FLI1: variants seen among roughly 807,000 people sequenced by gnomAD.
FLI1 encodes Friend leukemia integration 1 transcription factor.
In FLI1, 13 loss-of-function variants were observed where a neutral mutation model predicts 53.1. The ratio of observed to expected loss-of-function variants is 0.24; its 90% CI spans 0.16 to 0.39. The LOEUF (loss-of-function observed/expected upper bound fraction) is 0.39, where lower values mean the gene tolerates loss of function less well. Among genes scored for constraint, FLI1 ranks in the 10% least tolerant of loss-of-function variants. The pLI is 1.00. For missense variants in FLI1, 424 were observed against 600.5 expected, an observed-to-expected ratio of 0.71 and a Z score of 3.07; for synonymous variants, 244 against 236.7, an observed-to-expected ratio of 1.03 and a Z score of -0.28.
At chr11:128,685,651 C>T (rs1369629527), upstream of FLI1, among the ~76,000 whole-genome samples, 1 of 143,576 alleles carries the variant, frequency 7.0e-6, no homozygotes, top group Non-Finnish European at 1.5e-5. Context: ...AATCTCTGGG[C>T]CCGAGGAATA....
chr11:128,736,051 G>A (rs946201399), intron 1 of FLI1, among the ~76,000 whole-genome samples: 8 of 152,112 alleles, frequency 5.3e-5, no homozygotes, highest in Non-Finnish European at 7.4e-5. Flanking sequence ...AGACATGATC[G>A]ATGAGGCTAT....
upstream of FLI1, among the ~76,000 whole-genome samples, chr11:128,690,623 G>A (rs966619341): frequency 5.3e-5 from 8 of 152,240 alleles, no homozygotes; most frequent in African/African-American, 1.9e-4. Flanking sequence ...AATGGTGCGA[G>A]GCAAGTCGTC....
chr11:128,715,615 A>C (rs1482417755), intron 1 of FLI1, among the ~76,000 whole-genome samples: 4 of 152,146 alleles, frequency 2.6e-5, no homozygotes, highest in Non-Finnish European at 5.9e-5. Context: ...TGATCTAGAG[A>C]GAAAACAGCA....
intron 5 of FLI1, among the ~76,000 whole-genome samples, chr11:128,790,270 C>T (rs1411273496): frequency 8.2e-6 from 1 of 122,052 alleles, no homozygotes; most frequent in Non-Finnish European, 1.6e-5. Context: ...TTTTTTTCCA[C>T]GAGAGAGAGA....
At position 128,810,381 on chromosome 11, in the gene FLI1, C is replaced by T. The variant is rs116979317; in HGVS notation, c.830-78C>T. The T allele has an allele frequency of 1.3e-4, 186 of 1,388,238 alleles. No individual in the cohort carries two copies. The African/African-American group carries it at 1.7e-3, about 13-fold the overall frequency. The allele number at this position is 1,388,238 out of a possible 1,614,324, so 86.0% of individuals were successfully genotyped here. A position where few individuals can be genotyped will look rare whatever the true frequency, so the allele number is the denominator to read the frequency against. On this transcript the variant is annotated intron_variant, in intron 8 of 8. Coordinates refer to ENST00000527786, the MANE Select transcript of FLI1 (RefSeq NM_002017.5). The surrounding 1 kb of genome is among the most constrained non-coding windows in gnomAD (Gnocchi z 6.6). ...GTTTCTTTAAAAGGATGAGAAGCTC[C>T]CTGCATTTAGGGAACTGGGTTCTGC...
chr11:128,705,750 G>A (rs552110162), intron 1 of FLI1, among the ~76,000 whole-genome samples: 1 of 152,240 alleles, frequency 6.6e-6, no homozygotes. Context: ...CTGTGGACTG[G>A]CCCAGCTTCC....
At chr11:128,685,586 G>T (rs1249333867), upstream of FLI1, among the ~76,000 whole-genome samples, 2 of 151,636 alleles carry the variant, frequency 1.3e-5, no homozygotes, top group Non-Finnish European at 2.9e-5. Context: ...CGGTGGGGTC[G>T]CTGGGGTTGG....
At chr11:128,695,334 C>T (rs1938015826) in intron 1 of FLI1, among the ~76,000 whole-genome samples, 1 of 152,192 alleles carries the variant, frequency 6.6e-6, no homozygotes, top group East Asian at 1.9e-4. Context: ...CCTTAGAGGA[C>T]CTAGGGGAAT....
At chr11:128,777,480 A>G (rs1346320332) in intron 4 of FLI1, among the ~76,000 whole-genome samples, 3 of 152,142 alleles carry the variant, frequency 2.0e-5, no homozygotes, top group Admixed American at 6.6e-5. Context: ...CACATTTTGC[A>G]TTTTCTGGTC....
rs1463013100 is a variant in FLI1, at chr11:128,785,154, A to G, written c.655+3131A>G. Among the ~76,000 whole-genome samples, 6 of 152,246 alleles carry G rather than the reference A, an allele frequency of 3.9e-5. No individual in the cohort carries two copies. The East Asian group carries it at 1.2e-3, about 29-fold the overall frequency. ...CCCCTTTAAATTAAATATTCTATGGACATGGATTGGATCCAGCTAGAGCAG... is the reference window on the plus strand; with the variant it reads ...CCCCTTTAAATTAAATATTCTATGGGCATGGATTGGATCCAGCTAGAGCAG... On this transcript the variant is annotated intron_variant, in intron 5 of 8. Transcript: ENST00000527786.
At chr11:128,795,785 C>G (rs1321897347) in intron 5 of FLI1, among the ~76,000 whole-genome samples, 1 of 152,112 alleles carries the variant, frequency 6.6e-6, no homozygotes, top group African/African-American at 2.4e-5. Flanking sequence ...CTCCTCACCT[C>G]GTGATCTGCC....
chr11:128,694,283 G>A lies in FLI1; in HGVS notation c.18+7G>A, dbSNP rs1305919283. On this transcript the variant is annotated splice_region_variant and intron_variant, in intron 1 of 8. Transcript: ENST00000527786. Reference sequence around the variant, plus strand: ...AATGGACGGGACTATTAAGGTAAGCGGCGGGGCAACGGACGCGGGCGGCGG... The same window carrying A: ...AATGGACGGGACTATTAAGGTAAGCAGCGGGGCAACGGACGCGGGCGGCGG... 9.4e-6 allele frequency: 13 copies of A among 1,377,738 alleles called. No individual in the cohort carries two copies. The highest frequency in any genetic ancestry group is 1.2e-5 in the Non-Finnish European group (13 of 1,054,620). The allele number at this position is 1,377,738 out of a possible 1,614,324, so 85.3% of individuals were successfully genotyped here.
intron 1 of FLI1, among the ~76,000 whole-genome samples, chr11:128,757,084 C>CTTTA (rs1326926654): frequency 1.3e-5 from 2 of 149,088 alleles, no homozygotes; most frequent in African/African-American, 2.5e-5. Flanking sequence ...TTCTTTCTTT[C>CTTTA]TTTCTTTCTT....
intron 5 of FLI1, among the ~76,000 whole-genome samples, chr11:128,802,915 G>A (rs1486599195): frequency 6.6e-6 from 1 of 152,214 alleles, no homozygotes; most frequent in Admixed American, 6.5e-5. Context: ...AGGGAGAAAA[G>A]CCGATAAGAA....
rs1941621607 is a variant in FLI1 at position 128,772,996 on chromosome 11, C to T, written c.589+11C>T. 3 of 1,611,468 alleles carry T rather than the reference C, an allele frequency of 1.9e-6. No homozygotes were observed. Among genetic ancestry groups the T allele is most frequent in the South Asian group, 1.1e-5 (1 of 91,064 alleles). On this transcript the variant is annotated intron_variant, in intron 4 of 8. Transcript: ENST00000527786. ...GTTACCTCAGGGAAAGTAAGTGCCG[C>T]CCAAGTACCCAGGGCTGGGAGGAAG...
At chr11:128,759,257 T>C (rs55859508) in intron 2 of FLI1, among the ~76,000 whole-genome samples, 11 of 152,088 alleles carry the variant, frequency 7.2e-5, no homozygotes, top group African/African-American at 2.7e-4. Context: ...CAGAGGGCCC[T>C]GAATGGCAGG....
chr11:128,710,355 T>C (rs1938737469), intron 1 of FLI1, among the ~76,000 whole-genome samples: 1 of 152,150 alleles, frequency 6.6e-6, no homozygotes, highest in South Asian at 2.1e-4. Context: ...ATTGAACGCA[T>C]TGAACTAGGT....
chr11:128,810,895 C>T lies in FLI1; in HGVS notation c.1266C>T (p.Tyr422=). 1.2e-6 allele frequency: 2 copies of T among 1,614,062 alleles called. No homozygotes were observed. Among genetic ancestry groups the T allele is most frequent in the East Asian group, 2.2e-5 (1 of 44,878 alleles). Reference sequence around the variant, plus strand: ...GCTTCTTTGGAGCCGCATCACAATACTGGACCTCCCCCACGGGGGGAATCT... The same window carrying T: ...GCTTCTTTGGAGCCGCATCACAATATTGGACCTCCCCCACGGGGGGAATCT... ...SSSFFGAASQ[Y]WTSPTGGIYP... The change falls in exon 9 of 9, where the codon TAC becomes TAT. Residue 422 remains tyrosine (Y), a synonymous_variant. Transcript: ENST00000527786. This position sits in a 1 kb window ranked among gnomAD's most constrained non-coding sequence, Gnocchi z 6.6.
chr11:128,751,232 TAAAC>T (rs1299559484), intron 1 of FLI1, among the ~76,000 whole-genome samples: 2 of 152,238 alleles, frequency 1.3e-5, no homozygotes, highest in East Asian at 3.8e-4. Flanking sequence ...ACTAATCTTT[TAAAC>T]AATCAACATT....
Sources: gnomAD v4.1 joint callset for allele counts (sites outside exome capture counted in the v4.1 genomes callset) on GRCh38, gnomAD v4.1.1 for gene constraint, Gnocchi (gnomAD v3.1) non-coding constraint, MANE v1.5 for transcripts, NCBI Gene and HGNC (gene_info 2026-07-23, HGNC 2026-07-21) for gene names.